Variants in NHEJ1 observed in about 807,000 individuals in gnomAD.
NHEJ1 encodes non-homologous end-joining factor 1.
In NHEJ1, 22 loss-of-function variants were observed where a neutral mutation model predicts 39.4. The ratio of observed to expected loss-of-function variants is 0.56; its 90% CI spans 0.40 to 0.80. The LOEUF (loss-of-function observed/expected upper bound fraction) is 0.80, where lower values mean the gene tolerates loss of function less well. NHEJ1 is among the 30% of genes least tolerant of loss of function. The pLI is 0.00. For synonymous variants in NHEJ1, 154 were observed against 135.6 expected (o/e 1.14, Z -0.94); for missense variants, 329 against 357.1 (o/e 0.92, Z 0.63).
intron 5 of NHEJ1, among the ~76,000 whole-genome samples, chr2:219,129,784 G>A (rs1022109268): frequency 4.6e-5 from 7 of 152,210 alleles, no homozygotes; most frequent in African/African-American, 9.7e-5. Context: ...CGTGCGCCCC[G>A]GGCACCGTGT....
At chr2:219,157,445 C>A in intron 3 of NHEJ1, 27 bp downstream of exon 3, 2 of 1,599,130 alleles carry the variant, frequency 1.3e-6, no homozygotes, top group Non-Finnish European at 1.7e-6. Flanking sequence ...CATCCCTCCC[C>A]CAACCCCACA....
chr2:219,086,913 A>C (rs1035373016), intron 5 of NHEJ1, among the ~76,000 whole-genome samples: 3 of 152,024 alleles, frequency 2.0e-5, no homozygotes, highest in African/African-American at 7.2e-5. Context: ...CAGAGCCTAA[A>C]CTGTCCCTGG....
At chr2:219,102,882 G>C (rs1949277034) in intron 5 of NHEJ1, among the ~76,000 whole-genome samples, 1 of 149,708 alleles carries the variant, frequency 6.7e-6, no homozygotes, top group Admixed American at 6.6e-5. Flanking sequence ...GCGGGCGCCT[G>C]TAGTCCCAGC....
At position 219,097,569 on chromosome 2, in the gene NHEJ1, C is replaced by T. The variant is rs115163182; in HGVS notation, c.589-19363G>A. ...CCAAGTAACTGGGACTACCCATGTG[C>T]TCCGCTATGTCTGGCTCAACTCCAA... On this transcript the variant is annotated intron_variant, in intron 5 of 7. Transcript: ENST00000356853. 8.4e-3 allele frequency among the ~76,000 whole-genome samples: 1,286 copies of T among 152,266 alleles called. 26 individuals are homozygous for T. Among genetic ancestry groups the T allele is most frequent in the African/African-American group, 0.029 (1,195 of 41,544 alleles).
At chr2:219,157,991 T>TCACA (rs58103413) in intron 2 of NHEJ1, among the ~76,000 whole-genome samples, 195 bp downstream of exon 2, 55 of 99,272 alleles carry the variant, frequency 5.5e-4, no homozygotes, top group South Asian at 5.1e-3. Flanking sequence ...TCTCTCTCTC[T>TCACA]CACACACACA....
chr2:219,071,674 C>A lies in NHEJ1; in HGVS notation c.*4707G>T, dbSNP rs1208382165. Among the ~76,000 whole-genome samples the A allele has an allele frequency of 2.0e-5, 3 of 152,184 alleles. No individual in the cohort carries two copies. Among genetic ancestry groups the A allele is most frequent in the Admixed American group, 2.0e-4 (3 of 15,282 alleles). On this transcript the variant is annotated 3_prime_UTR_variant, in exon 8 of 8. Coordinates refer to ENST00000356853, the MANE Select transcript of NHEJ1 (RefSeq NM_024782.3). The stretch of plus-strand genomic sequence containing the variant: ...CACTGCATGCTCCTTTAACTACTGG[C>A]CCTTGGCCCAGCAGGACAAGTAATC...
chr2:219,129,253 A>G (rs1457511250), intron 5 of NHEJ1, among the ~76,000 whole-genome samples: 1 of 152,244 alleles, frequency 6.6e-6, no homozygotes, highest in Non-Finnish European at 1.5e-5. Context: ...GAATGTCAAA[A>G]CTAAACTTCC....
chr2:219,077,255 T>G lies in NHEJ1; in HGVS notation c.816A>C (p.Lys272Asn), dbSNP rs1020733556. 1 of 1,612,276 alleles carries G rather than the reference T, an allele frequency of 6.2e-7. No individual in the cohort carries two copies. Among genetic ancestry groups the G allele is most frequent in the Non-Finnish European group, 8.5e-7 (1 of 1,178,472 alleles). ...GCTGCTCATGACTCACCGTGGACTC[T>G]TTCTCAGGTGCTGAGAGGGTTGGGG... ...SSAPTLSAPE[K>N]ESTGTSGPLQ... Residue 272 changes from lysine (K) to asparagine (N), a missense_variant, in exon 7 of 8, where the codon AAA (lysine) becomes AAC (asparagine). Coordinates refer to ENST00000356853, the MANE Select transcript of NHEJ1 (RefSeq NM_024782.3).
chr2:219,136,391 T>C (rs934912231), intron 5 of NHEJ1, among the ~76,000 whole-genome samples: 1 of 150,100 alleles, frequency 6.7e-6, no homozygotes, highest in East Asian at 2.0e-4. Flanking sequence ...AGAGTTCAAG[T>C]GATTCTCCTG....
At position 219,072,449 on chromosome 2, in the gene NHEJ1, CCTTT is replaced by C. The variant is rs1250080844; in HGVS notation, c.*3928_*3931del. Among the ~76,000 whole-genome samples, 7 of 152,300 alleles carry C rather than the reference CCTTT, an allele frequency of 4.6e-5. No homozygotes were observed. The East Asian group carries it at 9.6e-4, about 21-fold the overall frequency. Reference sequence around the variant, plus strand: ...GCTTCCTTGCAGTATGTCACTTATTCCTTTCTAACAGTTTTTTCTTCAAGAAAAA... The same window carrying C: ...GCTTCCTTGCAGTATGTCACTTATTCCTAACAGTTTTTTCTTCAAGAAAAA... On this transcript the variant is annotated 3_prime_UTR_variant, in exon 8 of 8. Coordinates refer to ENST00000356853, the MANE Select transcript of NHEJ1 (RefSeq NM_024782.3).
intron 5 of NHEJ1, among the ~76,000 whole-genome samples, chr2:219,082,714 C>T (rs1252702375): frequency 2.0e-5 from 3 of 152,218 alleles, no homozygotes; most frequent in African/African-American, 7.2e-5. Context: ...GCCCCAGAAA[C>T]TGGCACAGCC....
chr2:219,153,619 C>T (rs1949818610), intron 3 of NHEJ1, among the ~76,000 whole-genome samples: 1 of 142,620 alleles, frequency 7.0e-6, no homozygotes, highest in African/African-American at 2.6e-5. Flanking sequence ...GTGAGAGGAT[C>T]ACTTGAGCTG....
intron 5 of NHEJ1, among the ~76,000 whole-genome samples, chr2:219,123,848 A>AGG (rs1949492905): frequency 6.6e-6 from 1 of 152,198 alleles, no homozygotes; most frequent in South Asian, 2.1e-4. Context: ...ACCTAGGAAG[A>AGG]GGGTGGGGGC....
intron 2 of NHEJ1, among the ~76,000 whole-genome samples, chr2:219,157,978 C>G (rs1394489345): frequency 1.5e-5 from 1 of 66,274 alleles, no homozygotes; most frequent in Non-Finnish European, 3.2e-5. Flanking sequence ...TTCTTTCTCT[C>G]TCTCTCTCTC....
rs567597963 is a variant in NHEJ1, at chr2:219,148,089, T to C, written c.391-294A>G. The stretch of plus-strand genomic sequence containing the variant: ...GCACGGCCAACATGGCCAAACCCTA[T>C]CTCTACTAAAAATACAAAAATTAAC... On this transcript the variant is annotated intron_variant, in intron 3 of 7. Coordinates refer to ENST00000356853, the MANE Select transcript of NHEJ1 (RefSeq NM_024782.3). Among the ~76,000 whole-genome samples, 11 of 152,198 alleles carry C rather than the reference T, an allele frequency of 7.2e-5. No individual in the cohort carries two copies. In the East Asian group the frequency reaches 2.1e-3, roughly 29 times the overall value.
chr2:219,151,653 G>C (rs191429021), intron 3 of NHEJ1, among the ~76,000 whole-genome samples: 8 of 152,230 alleles, frequency 5.3e-5, no homozygotes, highest in Admixed American at 5.2e-4. Context: ...ATGCTCAGTA[G>C]AAATTTTGAA....
In NHEJ1 at chr2:219,157,474, G is replaced by C; in HGVS notation, c.388C>G (p.Leu130Val). Residue 130 changes from leucine to valine, a missense_variant and splice_region_variant, in exon 3 of 8, where the codon CTG (leucine) becomes GTG (valine). Physicochemically the swap from Leu to Val is conservative, Grantham distance 32. Transcript: ENST00000356853. ...NFHCMLASPS[L>V]VSQHLIRPLM... The stretch of plus-strand genomic sequence containing the variant: ...CCCCACATTCGAATTACACTTACCA[G>C]GGAAGGACTAGCTAGCATGCAGTGG... The C allele has an allele frequency of 6.2e-7, 1 of 1,613,238 alleles. No homozygotes were observed. Among genetic ancestry groups the C allele is most frequent in the South Asian group, 1.1e-5 (1 of 91,056 alleles).
At chr2:219,095,270 T>C in intron 5 of NHEJ1, 1 of 470,210 alleles carries the variant, frequency 2.1e-6, no homozygotes, top group Non-Finnish European at 4.4e-6. Flanking sequence ...AAACAAAAGC[T>C]TACCATGATA....
intron 5 of NHEJ1, among the ~76,000 whole-genome samples, chr2:219,089,383 T>C (rs1296318592): frequency 6.6e-6 from 1 of 152,224 alleles, no homozygotes; most frequent in Non-Finnish European, 1.5e-5. Context: ...GGTATATCTG[T>C]ACAATGGTAT....
Sources: allele counts gnomAD v4.1 joint callset (sites outside exome capture counted in the v4.1 genomes callset), GRCh38; gene constraint gnomAD v4.1.1; transcripts MANE v1.5; gene names NCBI Gene and HGNC (gene_info 2026-07-23, HGNC 2026-07-21).